The following FAF1 variants were observed in gnomAD, a reference collection of about 807,000 sequenced individuals.
The protein encoded by FAF1 is Fas associated factor 1.
Under a neutral mutation model 92.5 loss-of-function variants are expected in FAF1, and 25 were observed. That is an observed-to-expected ratio of 0.27 (90% CI 0.20 to 0.38). The LOEUF (loss-of-function observed/expected upper bound fraction) is 0.38. Ranked by LOEUF, FAF1 falls within the 10% of genes least tolerant of loss-of-function variation. The probability of loss-of-function intolerance (pLI) is 1.00; values close to 1 mark genes in which losing one functional copy is unlikely to be tolerated. For synonymous variants in FAF1, 234 were observed against 273.2 expected, an observed-to-expected ratio of 0.86 and a Z score of 1.42; for missense variants, 636 against 793.3, an observed-to-expected ratio of 0.80 and a Z score of 2.38.
intron 18 of FAF1, among the ~76,000 whole-genome samples, chr1:50,474,831 T>C (rs1646618763): frequency 6.6e-6 from 1 of 152,204 alleles, no homozygotes; most frequent in African/African-American, 2.4e-5. Context: ...AAAGATTAAA[T>C]ACAGAGCCTC....
chr1:50,570,517 G>A (rs1364716267), intron 12 of FAF1, among the ~76,000 whole-genome samples: 1 of 151,828 alleles, frequency 6.6e-6, no homozygotes, highest in African/African-American at 2.4e-5. Flanking sequence ...GAGATGCCAG[G>A]AAAACACACT....
chr1:50,933,300 T>C (rs1383739460), intron 1 of FAF1, among the ~76,000 whole-genome samples: 1 of 152,204 alleles, frequency 6.6e-6, no homozygotes, highest in Admixed American at 6.5e-5. Flanking sequence ...AGTACCCAAG[T>C]CACCTTTTGA....
At chr1:50,752,995 C>T (rs767032882) in intron 4 of FAF1, among the ~76,000 whole-genome samples, 2 of 152,116 alleles carry the variant, frequency 1.3e-5, no homozygotes, top group African/African-American at 2.4e-5. Flanking sequence ...TCATCCTCTT[C>T]AAAAGGTCTT....
chr1:50,860,787 G>A (rs1049990936), intron 1 of FAF1, among the ~76,000 whole-genome samples: 2 of 151,676 alleles, frequency 1.3e-5, no homozygotes, highest in African/African-American at 4.8e-5. Context: ...TCACTCACAC[G>A]TTAATCGCAG....
rs1370506603 is a variant in FAF1, at chr1:50,554,388, TATAGAGAGAG to T, written c.1268+12679_1268+12688del. ...AAATATATATATATATATATATATA[TATAGAGAGAG>T]AGAGAGAGAGAGAGAGAGTCTTAAA... On this transcript the variant is annotated intron_variant, in intron 13 of 18. Transcript: ENST00000396153. Among the ~76,000 whole-genome samples, 4 of 100,692 alleles carry T rather than the reference TATAGAGAGAG, an allele frequency of 4.0e-5. No homozygotes were observed. The Middle Eastern group carries it at 0.016, about 406-fold the overall frequency. 66.1% of individuals were successfully genotyped at this position (100,692 alleles called of 152,430 possible). A position where few individuals can be genotyped will look rare whatever the true frequency, so the allele number is the denominator to read the frequency against.
chr1:50,612,265 C>T, intron 8 of FAF1: 4 of 753,442 alleles, frequency 5.3e-6, no homozygotes, highest in Non-Finnish European at 1.8e-6. Flanking sequence ...TTGCCTTATT[C>T]TACAATCACA....
chr1:50,565,065 T>C (rs975436498), intron 13 of FAF1, among the ~76,000 whole-genome samples: 1 of 152,098 alleles, frequency 6.6e-6, no homozygotes, highest in African/African-American at 2.4e-5. Flanking sequence ...TCATGGGTGT[T>C]TGTTTTACAG....
At chr1:50,831,723 A>G (rs769455170) in intron 2 of FAF1, among the ~76,000 whole-genome samples, 4 of 150,122 alleles carry the variant, frequency 2.7e-5, no homozygotes, top group Non-Finnish European at 4.4e-5. Context: ...ATCTTTGCAG[A>G]TGGAATTAAA....
chr1:50,664,017 T>A (rs552310933), intron 7 of FAF1, among the ~76,000 whole-genome samples: 2 of 139,068 alleles, frequency 1.4e-5, no homozygotes, highest in East Asian at 2.0e-4. Context: ...TTTTTTTTTT[T>A]AGACAGAGTC....
intron 18 of FAF1, chr1:50,461,332 A>G (rs1333793991): frequency 6.6e-6 from 1 of 152,122 alleles, no homozygotes; most frequent in Non-Finnish European, 1.5e-5. Flanking sequence ...TGCCAGGATG[A>G]TCTTCTCCTG....
chr1:50,488,293 G>A (rs1646789965), intron 17 of FAF1, among the ~76,000 whole-genome samples: 1 of 152,188 alleles, frequency 6.6e-6, no homozygotes, highest in Non-Finnish European at 1.5e-5. Context: ...AGGGTCTTCT[G>A]TAAGATGATG....
intron 4 of FAF1, among the ~76,000 whole-genome samples, chr1:50,756,265 T>C (rs1660069619): frequency 6.6e-6 from 1 of 150,852 alleles, no homozygotes; most frequent in African/African-American, 2.5e-5. Flanking sequence ...CTAAATCATC[T>C]CCTCAAGTTC....
chr1:50,490,442 AG>A (rs1646820554), intron 17 of FAF1, 145 bp downstream of exon 17: 4 of 504,096 alleles, frequency 7.9e-6, no homozygotes, highest in African/African-American at 2.3e-5. Flanking sequence ...GAAGGAAGGA[AG>A]GAAGGAAGGA....
intron 8 of FAF1, among the ~76,000 whole-genome samples, chr1:50,650,050 C>T (rs568346967): frequency 5.4e-4 from 82 of 151,456 alleles, no homozygotes; most frequent in African/African-American, 1.9e-3. Flanking sequence ...TCTGGGAGGC[C>T]GAGGTGGGCG....
chr1:50,905,091 G>C (rs535154798), intron 1 of FAF1, among the ~76,000 whole-genome samples: 83 of 152,158 alleles, frequency 5.5e-4, no homozygotes, highest in Non-Finnish European at 8.4e-4. Context: ...CTGTGTCCAA[G>C]TGTTCTCATT....
At chr1:50,694,830 G>T (rs1020715114) in intron 7 of FAF1, among the ~76,000 whole-genome samples, 1 of 151,344 alleles carries the variant, frequency 6.6e-6, no homozygotes, top group African/African-American at 2.4e-5. Context: ...AGGCGTAGTG[G>T]TGGGCACCTG....
intron 7 of FAF1, among the ~76,000 whole-genome samples, chr1:50,695,948 C>G (rs1048305529): frequency 7.7e-6 from 1 of 129,394 alleles, no homozygotes; most frequent in Non-Finnish European, 1.7e-5. Flanking sequence ...CGTGCTTGGC[C>G]TTTTTTTTTT....
intron 6 of FAF1, among the ~76,000 whole-genome samples, chr1:50,717,991 A>C (rs914754346): frequency 1.9e-4 from 4 of 20,732 alleles, no homozygotes; most frequent in South Asian, 1.2e-3. Context: ...ACAATCCTTT[A>C]TTTATTTATT....
intron 4 of FAF1, among the ~76,000 whole-genome samples, chr1:50,774,030 G>A (rs974656256): frequency 3.3e-5 from 5 of 152,186 alleles, no homozygotes; most frequent in Admixed American, 3.3e-4. Flanking sequence ...TGAGACCACA[G>A]TTTGAGATGC....
Sources: gnomAD v4.1 joint callset for allele counts (sites outside exome capture counted in the v4.1 genomes callset) on GRCh38, gnomAD v4.1.1 for gene constraint, MANE v1.5 for transcripts, NCBI Gene and HGNC (gene_info 2026-07-23, HGNC 2026-07-21) for gene names.